The following ATP6V1B1 variants were observed in gnomAD, a reference collection of about 807,000 sequenced individuals.
ATP6V1B1 encodes the protein ATPase H+ transporting V1 subunit B1.
A neutral mutation model predicts 62.1 loss-of-function variants in ATP6V1B1; 41 were observed. The observed-to-expected ratio is 0.66, with a 90% CI of 0.51 to 0.86. The LOEUF (loss-of-function observed/expected upper bound fraction) is 0.86, where lower values mean the gene tolerates loss of function less well. ATP6V1B1 is among the 40% of genes least tolerant of loss of function. The pLI is 0.00. For synonymous variants in ATP6V1B1, 253 were observed against 273.4 expected, an observed-to-expected ratio of 0.93 and a Z score of 0.74; for missense variants, 651 against 697.5, an observed-to-expected ratio of 0.93 and a Z score of 0.75.
chr2:70,943,576 G>A (rs1553416762), intron 1 of ATP6V1B1, 82 bp from the exon 2 acceptor site: 1 of 1,432,354 alleles, frequency 7.0e-7, no homozygotes, highest in Non-Finnish European at 9.8e-7. Flanking sequence ...GTGGAGAGAG[G>A]AAGGGAAGGC....
chr2:70,940,372 G>A, intron 1 of ATP6V1B1: 1 of 979,754 alleles, frequency 1.0e-6, no homozygotes, highest in Non-Finnish European at 1.2e-6. Context: ...CACCCACCCT[G>A]CATCTTTACA....
chr2:70,949,439 T>A (rs1187241135), intron 2 of ATP6V1B1, among the ~76,000 whole-genome samples: 1 of 152,208 alleles, frequency 6.6e-6, no homozygotes, highest in South Asian at 2.1e-4. Flanking sequence ...TTCCCAGAAG[T>A]GGAATTGCTG....
chr2:70,943,461 G>A (rs898554446), intron 1 of ATP6V1B1, 197 bp from the exon 2 acceptor site: 20 of 700,304 alleles, frequency 2.9e-5, no homozygotes, highest in Middle Eastern at 2.6e-4. Context: ...GCAGGTGTCC[G>A]AGCAGCAGGG....
intron 11 of ATP6V1B1, 102 bp from the exon 12 acceptor site, chr2:70,964,336 G>A (rs1680663060): frequency 3.2e-6 from 4 of 1,253,602 alleles, no homozygotes; most frequent in Non-Finnish European, 4.7e-6. Context: ...TGACCCCTCG[G>A]AATGTAGGAT....
rs1680525777 is a variant in ATP6V1B1, at chr2:70,959,392, G to T, written c.445+297G>T. On this transcript the variant is annotated intron_variant, in intron 5 of 13. Coordinates refer to ENST00000234396, the MANE Select transcript of ATP6V1B1 (RefSeq NM_001692.4). This position sits in a 1 kb window ranked among gnomAD's most constrained non-coding sequence, Gnocchi z 4.2. ...GGGCTGCGGTGCTCTGCCGGCTCTCGTCCATTCAAGTGGGCACCTTCCCCA... is the reference window on the plus strand; with the variant it reads ...GGGCTGCGGTGCTCTGCCGGCTCTCTTCCATTCAAGTGGGCACCTTCCCCA... Among the ~76,000 whole-genome samples the T allele has an allele frequency of 6.6e-6, 1 of 152,200 alleles. No individual in the cohort carries two copies. The highest frequency in any genetic ancestry group is 2.4e-5 in the African/African-American group (1 of 41,440).
chr2:70,965,332 G>T lies in ATP6V1B1; in HGVS notation c.*211G>T. The T allele has an allele frequency of 7.5e-6, 5 of 663,922 alleles. No homozygotes were observed. In the South Asian group the frequency reaches 7.7e-5, roughly 10 times the overall value. 41.1% of individuals were successfully genotyped at this position (663,922 alleles called of 1,614,324 possible). ...CTCCCCCTCGACTCCCGGTGCTGCG[G>T]AAGAACTGAAGGTTGCGATGCCTTA... On this transcript the variant is annotated 3_prime_UTR_variant, in exon 14 of 14. Transcript: ENST00000234396.
At chr2:70,945,701 G>GATATAT (rs35710919) in intron 2 of ATP6V1B1, among the ~76,000 whole-genome samples, 1,393 of 82,622 alleles carry the variant, frequency 0.017, 37 homozygotes, top group Non-Finnish European at 0.019. Flanking sequence ...TATTTGAAGA[G>GATATAT]ATATATATAT....
At chr2:70,943,555 G>A in intron 1 of ATP6V1B1, 103 bp from the exon 2 acceptor site, 5 of 1,224,268 alleles carry the variant, frequency 4.1e-6, no homozygotes, top group Non-Finnish European at 5.9e-6. Context: ...AGGCTGGGAA[G>A]GAGGTGGGGT....
rs111306070 is a variant in ATP6V1B1 at position 70,935,994 on chromosome 2, G to A, written c.40G>A (p.Gly14Ser). Residue 14 changes from glycine to serine, a missense_variant, in exon 1 of 14, where the codon GGC (glycine) becomes AGC (serine). Transcript: ENST00000234396. ...EIDSRPGGLP[G>S]SSCNLGAARE... The stretch of plus-strand genomic sequence containing the variant: ...AGACAGCAGGCCTGGGGGGCTCCCC[G>A]GCAGTAGCTGCAACCTAGGTGCAGC... 290 of 1,613,966 alleles carry A rather than the reference G, an allele frequency of 1.8e-4. 1 individual carries two copies. The East Asian group carries it at 3.9e-3, about 22-fold the overall frequency.
chr2:70,957,721 T>C (rs1433520396), intron 2 of ATP6V1B1: 3 of 378,278 alleles, frequency 7.9e-6, no homozygotes, highest in Non-Finnish European at 1.5e-5. Flanking sequence ...TATCCACATT[T>C]TAAAGACGAG....
chr2:70,957,363 T>C (rs1680464936), intron 2 of ATP6V1B1, among the ~76,000 whole-genome samples: 1 of 151,790 alleles, frequency 6.6e-6, no homozygotes, highest in Admixed American at 6.6e-5. Context: ...GCCTCCCAAA[T>C]TGCTGGGATT....
chr2:70,951,477 G>GT (rs1217068948), intron 2 of ATP6V1B1, among the ~76,000 whole-genome samples: 1 of 151,992 alleles, frequency 6.6e-6, no homozygotes, highest in African/African-American at 2.4e-5. Flanking sequence ...CCAGTCTAGG[G>GT]TCAGGTATTG....
intron 2 of ATP6V1B1, among the ~76,000 whole-genome samples, chr2:70,956,749 CCTGG>C (rs1347318930): frequency 3.9e-5 from 6 of 152,050 alleles, no homozygotes; most frequent in Admixed American, 3.3e-4. Context: ...CGCCACCATG[CCTGG>C]CTAATTTTTG....
intron 2 of ATP6V1B1, among the ~76,000 whole-genome samples, chr2:70,946,659 A>G (rs1404149036): frequency 6.6e-6 from 1 of 152,240 alleles, no homozygotes; most frequent in Non-Finnish European, 1.5e-5. Flanking sequence ...CTCCCTTGAG[A>G]ATAGCCAGCA....
intron 6 of ATP6V1B1, among the ~76,000 whole-genome samples, chr2:70,960,544 T>G (rs183080804): frequency 1.3e-5 from 2 of 152,126 alleles, no homozygotes; most frequent in East Asian, 3.9e-4. Flanking sequence ...ACTGTGACCC[T>G]TCCTTCCCAG....
intron 9 of ATP6V1B1, 75 bp downstream of exon 9, chr2:70,962,975 C>A: frequency 2.5e-6 from 4 of 1,608,542 alleles, no homozygotes; most frequent in Non-Finnish European, 3.4e-6. Flanking sequence ...GGTCACCCTG[C>A]AAATAGAGGG....
chr2:70,952,005 T>C (rs57370006), intron 2 of ATP6V1B1, among the ~76,000 whole-genome samples: 1 of 152,200 alleles, frequency 6.6e-6, no homozygotes, highest in Non-Finnish European at 1.5e-5. Context: ...AAAACAATGT[T>C]AGGTAACAAT....
Position 70,959,120 on chromosome 2 carries a change from G to A in ATP6V1B1, c.445+25G>A, listed in dbSNP as rs1213696777. 6 of 1,612,230 alleles carry A rather than the reference G, an allele frequency of 3.7e-6. No individual in the cohort carries two copies. The highest frequency in any genetic ancestry group is 5.1e-6 in the Non-Finnish European group (6 of 1,178,484). On this transcript the variant is annotated intron_variant, in intron 5 of 13. Transcript: ENST00000234396. This position sits in a 1 kb window ranked among gnomAD's most constrained non-coding sequence, Gnocchi z 4.2. ...GGTGAGTGACTGGAGGTTCTGGATG[G>A]CTTCGGGACCCAGCCCTAACACCTT...
intron 1 of ATP6V1B1, chr2:70,940,456 T>C: frequency 1.0e-6 from 1 of 985,350 alleles, no homozygotes; most frequent in Non-Finnish European, 1.2e-6. Context: ...CGGGGGCTTA[T>C]AAAAATGAGG....
Sources: gnomAD v4.1 joint callset for allele counts (sites outside exome capture counted in the v4.1 genomes callset) on GRCh38, gnomAD v4.1.1 for gene constraint, Gnocchi (gnomAD v3.1) non-coding constraint, MANE v1.5 for transcripts, NCBI Gene and HGNC (gene_info 2026-07-23, HGNC 2026-07-21) for gene names.